PDLIM5: variants seen among roughly 807,000 people sequenced by gnomAD.
PDLIM5 encodes PDZ and LIM domain protein 5.
Under a neutral mutation model 64.2 loss-of-function variants are expected in PDLIM5, and 34 were observed. That is an observed-to-expected ratio of 0.53 (90% confidence interval 0.40 to 0.71). The LOEUF (loss-of-function observed/expected upper bound fraction) is 0.71. Ranked by LOEUF, PDLIM5 falls within the 30% of genes least tolerant of loss-of-function variation. The probability of loss-of-function intolerance (pLI) is 0.00; values close to 1 mark genes in which losing one functional copy is unlikely to be tolerated. For synonymous variants in PDLIM5, 253 were observed against 269.1 expected, an observed-to-expected ratio of 0.94 and a Z score of 0.59; for missense variants, 683 against 733.6, an observed-to-expected ratio of 0.93 and a Z score of 0.80.
Position 94,523,893 on chromosome 4 carries a change from T to A in PDLIM5, c.248+18T>A. ...CTGCAAAGGTAAGTTGCTTTTTGTT[T>A]GTCCCTGAAAGAGAAAACAACATTG... On this transcript the variant is annotated intron_variant, in intron 3 of 12. Transcript: ENST00000317968. The A allele has an allele frequency of 6.2e-7, 1 of 1,600,472 alleles. No homozygotes were observed.
chr4:94,499,295 T>C (rs1727687917), intron 2 of PDLIM5, among the ~76,000 whole-genome samples: 2 of 152,150 alleles, frequency 1.3e-5, no homozygotes, highest in Non-Finnish European at 2.9e-5. Flanking sequence ...TAATTATCTG[T>C]ATTTTTTCAC....
intron 3 of PDLIM5, among the ~76,000 whole-genome samples, chr4:94,525,427 C>T (rs568868631): frequency 6.9e-6 from 1 of 145,904 alleles, no homozygotes; most frequent in African/African-American, 2.7e-5. Context: ...CCCCACCCCC[C>T]AAAAAAATAT....
intron 2 of PDLIM5, among the ~76,000 whole-genome samples, chr4:94,466,234 T>C (rs1403573312): frequency 6.6e-6 from 1 of 152,140 alleles, no homozygotes; most frequent in Non-Finnish European, 1.5e-5. Context: ...TCCCAAACTG[T>C]TGGTATTATA....
intron 5 of PDLIM5, among the ~76,000 whole-genome samples, chr4:94,577,581 C>CTTTTTTTTTTTTTTTTTTT (rs11349007): frequency 2.8e-5 from 3 of 106,856 alleles, no homozygotes; most frequent in Non-Finnish European, 3.7e-5. Context: ...TGGTCGTAAT[C>CTTTTTTTTTTTTTTTTTTT]TTTTTTTTTT....
chr4:94,542,911 G>A lies in PDLIM5; in HGVS notation c.248+19036G>A, dbSNP rs543618264. ...CTAATTTAAAAAATATACTTACTGGGGCACTAAATACATTTTTGTAATTCA... is the reference window on the plus strand; with the variant it reads ...CTAATTTAAAAAATATACTTACTGGAGCACTAAATACATTTTTGTAATTCA... On this transcript the variant is annotated intron_variant, in intron 3 of 12. Transcript: ENST00000317968. Among the ~76,000 whole-genome samples, 26 of 152,118 alleles carry A rather than the reference G, an allele frequency of 1.7e-4. No homozygotes were observed. In the South Asian group the frequency reaches 5.4e-3, roughly 32 times the overall value.
In PDLIM5 at chr4:94,666,679, G is replaced by C. The variant is rs986308360; in HGVS notation, c.*2612G>C. ...TCTTCAAAGAATTTTATTTGACCCA[G>C]ATTTCTTATAAAGTTATCTTACATT... On this transcript the variant is annotated 3_prime_UTR_variant, in exon 13 of 13. Coordinates refer to ENST00000317968, the MANE Select transcript of PDLIM5 (RefSeq NM_006457.5). The C allele has an allele frequency of 2.6e-5, 4 of 152,262 alleles. No homozygotes were observed. The highest frequency in any genetic ancestry group is 9.7e-5 in the African/African-American group (4 of 41,420). 9.4% of individuals were successfully genotyped at this position (152,262 alleles called of 1,614,324 possible).
chr4:94,556,509 T>G (rs185010191), intron 3 of PDLIM5, among the ~76,000 whole-genome samples: 332 of 152,348 alleles, frequency 2.2e-3, no homozygotes, highest in African/African-American at 7.2e-3. Flanking sequence ...TGAACTAGTT[T>G]ACAGTCCCAC....
At chr4:94,524,452 G>C (rs938348128) in intron 3 of PDLIM5, among the ~76,000 whole-genome samples, 1 of 151,456 alleles carries the variant, frequency 6.6e-6, no homozygotes, top group Non-Finnish European at 1.5e-5. Flanking sequence ...TGGAGTGCAG[G>C]CTAAGAATTC....
chr4:94,650,877 G>A (rs914158772), intron 9 of PDLIM5, among the ~76,000 whole-genome samples: 6 of 150,900 alleles, frequency 4.0e-5, no homozygotes, highest in East Asian at 2.0e-4. Context: ...GTTTCATGCC[G>A]TAGCTCTTCT....
At position 94,664,054 on chromosome 4, in the gene PDLIM5, C is replaced by A; in HGVS notation, c.1778C>A (p.Ser593Tyr). The A allele has an allele frequency of 6.2e-7, 1 of 1,601,376 alleles. No homozygotes were observed. The highest frequency in any genetic ancestry group is 8.5e-7 in the Non-Finnish European group (1 of 1,172,492). The change falls in exon 13 of 13, where the codon TCT becomes TAT. Residue 593 changes from serine (S) to tyrosine (Y), a missense_variant. Physicochemically the swap from Ser to Tyr is moderately radical, Grantham distance 144. Transcript: ENST00000317968. ...DKPLCKKHAH[S>Y]VNF ...CCCCTGTGTAAGAAACATGCTCATT[C>A]TGTGAATTTTTGAAAGTCAACAGTT... is the stretch of plus-strand genomic sequence containing the variant.
chr4:94,632,248 A>G lies in PDLIM5; in HGVS notation c.1109-8028A>G, dbSNP rs747624055. On this transcript the variant is annotated intron_variant, in intron 8 of 12. Transcript: ENST00000317968. ...AGAGCCAGTGCATTGTTTGGTACAT[A>G]GCAGTTGTTCAAAAAACATTTGCCT... 1.3e-4 allele frequency among the ~76,000 whole-genome samples: 20 copies of G among 152,240 alleles called. 1 individual carries two copies. Among genetic ancestry groups the G allele is most frequent in the Middle Eastern group, 3.2e-3 (1 of 316 alleles).
At chr4:94,519,242 C>T (rs551342595) in intron 2 of PDLIM5, among the ~76,000 whole-genome samples, 9 of 152,262 alleles carry the variant, frequency 5.9e-5, no homozygotes, top group Non-Finnish European at 1.2e-4. Context: ...TCTTCTCTGC[C>T]CTGTATGACC....
intron 7 of PDLIM5, among the ~76,000 whole-genome samples, chr4:94,612,556 G>C (rs978870483): frequency 2.0e-5 from 3 of 152,194 alleles, no homozygotes; most frequent in African/African-American, 7.2e-5. Flanking sequence ...ACATGCAAAA[G>C]TGTGCAAGCA....
intron 2 of PDLIM5, among the ~76,000 whole-genome samples, chr4:94,519,117 C>A (rs1578294892): frequency 6.6e-6 from 1 of 152,070 alleles, no homozygotes; most frequent in African/African-American, 2.4e-5. Flanking sequence ...GAATGTGTGG[C>A]ATATTCATCT....
chr4:94,575,740 A>C lies in PDLIM5; in HGVS notation c.416A>C (p.Lys139Thr), dbSNP rs1225972349. 12 of 1,614,088 alleles carry C rather than the reference A, an allele frequency of 7.4e-6. No homozygotes were observed. The highest frequency in any genetic ancestry group is 1.0e-5 in the Non-Finnish European group (12 of 1,179,994). The part of the protein sequence containing the change: ...PRPFGSVSSP[K>T]VTSIPSPSSA... Reference sequence around the variant, plus strand: ...CCTTTTGGTTCTGTGTCTTCACCAAAAGTCACATCCATCCCATCACCATCG... The same window carrying C: ...CCTTTTGGTTCTGTGTCTTCACCAACAGTCACATCCATCCCATCACCATCG... Residue 139 changes from lysine to threonine, a missense_variant, in exon 5 of 13, where the codon AAA becomes ACA. Coordinates refer to ENST00000317968, the MANE Select transcript of PDLIM5 (RefSeq NM_006457.5).
At chr4:94,554,492 A>G (rs967188128) in intron 3 of PDLIM5, among the ~76,000 whole-genome samples, 3 of 152,208 alleles carry the variant, frequency 2.0e-5, no homozygotes, top group African/African-American at 4.8e-5. Context: ...TCATACATAT[A>G]TATAAAGACA....
chr4:94,532,973 AG>A (rs2110161281), intron 3 of PDLIM5, among the ~76,000 whole-genome samples: 1 of 152,366 alleles, frequency 6.6e-6, no homozygotes, highest in Non-Finnish European at 1.5e-5. Context: ...ACTGCACTCC[AG>A]ACTGGGCGAC....
intron 7 of PDLIM5, chr4:94,610,401 A>G (rs1019263745): frequency 1.3e-5 from 8 of 629,240 alleles, no homozygotes; most frequent in African/African-American, 5.6e-5. Flanking sequence ...TGAAGCAATC[A>G]TAGCTCTATT....
intron 2 of PDLIM5, among the ~76,000 whole-genome samples, chr4:94,500,823 T>A (rs1560658985): frequency 1.3e-5 from 2 of 151,916 alleles, no homozygotes; most frequent in African/African-American, 4.8e-5. Context: ...TCTGGCTGTC[T>A]CCCAAGCTGG....
Sources: gnomAD v4.1 joint callset for allele counts (sites outside exome capture counted in the v4.1 genomes callset) on GRCh38, gnomAD v4.1.1 for gene constraint, MANE v1.5 for transcripts, NCBI Gene and HGNC (gene_info 2026-07-23, HGNC 2026-07-21) for gene names.